MCM6: variants seen among roughly 807,000 people sequenced by gnomAD.
The protein encoded by MCM6 is minichromosome maintenance complex component 6.
Under a neutral mutation model 94.3 loss-of-function variants are expected in MCM6, and 46 were observed. That is an observed-to-expected ratio of 0.49 (90% confidence interval 0.39 to 0.62). The LOEUF is 0.62. Ranked by LOEUF, MCM6 falls within the 20% of genes least tolerant of loss-of-function variation. The pLI is 0.00. For missense variants in MCM6, 865 were observed against 1,017.9 expected (o/e 0.85, Z 2.04); for synonymous variants, 335 against 351.9 (o/e 0.95, Z 0.54).
Position 135,866,603 on chromosome 2 carries a change from T to C in MCM6, c.741A>G (p.Thr247=), listed in dbSNP as rs965440504. ...TGGAGACGTCAGGCACAACAATCAG[T>C]GTCCCTGTAAAGTCACACTTGTCAC... is the stretch of plus-strand genomic sequence containing the variant. The part of the protein sequence containing the change: ...QAGDKCDFTG[T]LIVVPDVSKL... The change falls in exon 5 of 17, where the codon ACA becomes ACG. Residue 247 remains threonine, a synonymous_variant. Coordinates refer to ENST00000264156, the MANE Select transcript of MCM6 (RefSeq NM_005915.6). 1.9e-5 allele frequency: 31 copies of C among 1,613,860 alleles called. No homozygotes were observed. The highest frequency in any genetic ancestry group is 2.6e-5 in the Non-Finnish European group (31 of 1,179,988).
Position 135,866,258 on chromosome 2 carries a change from A to G in MCM6, c.801T>C (p.Asn267=), listed in dbSNP as rs760330078. The G allele has an allele frequency of 6.2e-7, 1 of 1,614,182 alleles. No individual in the cohort carries two copies. Among genetic ancestry groups the G allele is most frequent in the South Asian group, 1.1e-5 (1 of 91,088 alleles). The change falls in exon 6 of 17, where the codon AAT becomes AAC. Residue 267 remains asparagine, a synonymous_variant. Coordinates refer to ENST00000264156, the MANE Select transcript of MCM6 (RefSeq NM_005915.6). ...ATCCATCAACACCACTGACACGGGA[A>G]TTAGTTTCTGCACGTGCTCCTGAAA... ...LSTPGARAET[N]SRVSGVDGYE...
intron 9 of MCM6, among the ~76,000 whole-genome samples, chr2:135,859,000 C>T (rs1182672053): frequency 6.6e-6 from 1 of 152,104 alleles, no homozygotes. Flanking sequence ...CAGTGATCCT[C>T]CCACCTCAGC....
chr2:135,859,172 TGTGAGCCACCGC>T, intron 9 of MCM6, 117 bp downstream of exon 9: 1 of 702,140 alleles, frequency 1.4e-6, no homozygotes, highest in Non-Finnish European at 2.3e-6. Flanking sequence ...GGGACAAAGG[TGTGAGCCACCGC>T]GCCCAGCTGA....
At chr2:135,858,449 T>TG (rs1679930948) in intron 9 of MCM6, among the ~76,000 whole-genome samples, 1 of 152,142 alleles carries the variant, frequency 6.6e-6, no homozygotes, top group Non-Finnish European at 1.5e-5. Context: ...GTTGCACCAC[T>TG]GCACTCCAGC....
At chr2:135,864,495 C>A (rs780109113) in intron 7 of MCM6, among the ~76,000 whole-genome samples, 15 of 151,626 alleles carry the variant, frequency 9.9e-5, no homozygotes, top group Non-Finnish European at 4.4e-5. Flanking sequence ...ACCAACAAGG[C>A]CAGGAGACTA....
Position 135,866,668 on chromosome 2 carries a change from C to T in MCM6, c.676G>A (p.Val226Ile), listed in dbSNP as rs140204379. The change falls in exon 5 of 17, where the codon GTA (valine) becomes ATA (isoleucine). Residue 226 changes from valine (V) to isoleucine (I), a missense_variant. By Grantham distance (29) the Val-to-Ile change is conservative. Around this residue, in one of 3 missense-constraint regions of MCM6, gnomAD observed 404 missense variants for 451.9 expected, o/e 0.89. Coordinates refer to ENST00000264156, the MANE Select transcript of MCM6 (RefSeq NM_005915.6). ...TCCACAGCTTCAGCCCTTAAAATTA[C>T]TTCTAAACTGCGGGGGATACTCCCT... ...PRGSIPRSLE[V>I]ILRAEAVESA... The T allele has an allele frequency of 2.9e-5, 47 of 1,614,030 alleles. No homozygotes were observed. The highest frequency in any genetic ancestry group is 3.9e-5 in the Non-Finnish European group (46 of 1,180,034).
intron 16 of MCM6, among the ~76,000 whole-genome samples, chr2:135,843,097 A>C (rs1466901021): frequency 6.6e-6 from 1 of 152,178 alleles, no homozygotes; most frequent in Non-Finnish European, 1.5e-5. Context: ...AAATATACAC[A>C]CACTGAAGCT....
intron 11 of MCM6, among the ~76,000 whole-genome samples, chr2:135,856,028 C>A (rs1361572151): frequency 6.7e-6 from 1 of 149,790 alleles, no homozygotes; most frequent in Non-Finnish European, 1.5e-5. Flanking sequence ...ATAAATGACT[C>A]ATGATTAAAA....
At chr2:135,859,227 T>C in intron 9 of MCM6, 74 bp downstream of exon 9, 1 of 1,199,072 alleles carries the variant, frequency 8.3e-7, no homozygotes, top group Non-Finnish European at 1.2e-6. Context: ...TTTTTAATGG[T>C]AACTTATAGG....
chr2:135,875,342 C>T (rs893860789), intron 1 of MCM6, among the ~76,000 whole-genome samples: 8 of 151,140 alleles, frequency 5.3e-5, no homozygotes, highest in Non-Finnish European at 1.2e-4. Context: ...CCGGCCTGGG[C>T]AACAAGGGCT....
chr2:135,859,257 G>A (rs1424214147), intron 9 of MCM6, 44 bp downstream of exon 9: 7 of 1,513,664 alleles, frequency 4.6e-6, no homozygotes, highest in Non-Finnish European at 6.4e-6. Flanking sequence ...ATAGGGTAGG[G>A]GTATTCTGAC....
At chr2:135,862,538 T>C (rs1680015363) in intron 8 of MCM6, 69 bp downstream of exon 8, 1 of 1,562,694 alleles carries the variant, frequency 6.4e-7, no homozygotes, top group African/African-American at 1.4e-5. Context: ...GACTGCATTC[T>C]TGGTAGCACA....
chr2:135,866,058 T>G, intron 6 of MCM6, 74 bp downstream of exon 6: 1 of 1,534,164 alleles, frequency 6.5e-7, no homozygotes, highest in Non-Finnish European at 8.9e-7. Flanking sequence ...GCCATGACTT[T>G]GCCATTGCAC....
intron 4 of MCM6, among the ~76,000 whole-genome samples, chr2:135,867,376 C>T (rs113168311): frequency 1.3e-5 from 2 of 152,136 alleles, no homozygotes; most frequent in African/African-American, 2.4e-5. Flanking sequence ...TGTTCCCCCC[C>T]CCAAACTAAG....
chr2:135,856,237 G>A (rs924739186), intron 11 of MCM6, among the ~76,000 whole-genome samples: 5 of 152,280 alleles, frequency 3.3e-5, no homozygotes, highest in Admixed American at 2.6e-4. Context: ...GAGGCCAGGA[G>A]TTCAAGACCA....
intron 11 of MCM6, among the ~76,000 whole-genome samples, chr2:135,855,139 G>C (rs752776381): frequency 5.3e-5 from 8 of 152,192 alleles, no homozygotes; most frequent in Non-Finnish European, 7.3e-5. Context: ...CTGGGCAACA[G>C]AGTGAGACTC....
chr2:135,862,296 ACAAATAATAAAATTT>A (rs1267223119), intron 8 of MCM6, among the ~76,000 whole-genome samples: 23 of 128,650 alleles, frequency 1.8e-4, no homozygotes, highest in African/African-American at 8.9e-4. Context: ...AAAATTTTAT[ACAAATAATAAAATTT>A]GTATAAAATT....
chr2:135,840,347 T>A lies in MCM6; in HGVS notation c.*488A>T, dbSNP rs1447230887. The A allele has an allele frequency of 6.6e-6, 1 of 152,362 alleles. No homozygotes were observed. Among genetic ancestry groups the A allele is most frequent in the Non-Finnish European group, 1.5e-5 (1 of 68,272 alleles). 9.4% of individuals were successfully genotyped at this position (152,362 alleles called of 1,614,324 possible). The stretch of plus-strand genomic sequence containing the variant: ...TCATCCATAATACCACAGTTCTACC[T>A]CTTCACTCCAGGTTAAGCAAAAAGG... On this transcript the variant is annotated 3_prime_UTR_variant, in exon 17 of 17. Transcript: ENST00000264156.
chr2:135,872,890 A>G, intron 1 of MCM6, 47 bp from the exon 2 acceptor site: 1 of 1,598,998 alleles, frequency 6.3e-7, no homozygotes, highest in Non-Finnish European at 8.5e-7. Context: ...AGGCAGTACA[A>G]AGAACCTGAA....
Sources: gnomAD v4.1 joint callset for allele counts (sites outside exome capture counted in the v4.1 genomes callset) on GRCh38, gnomAD v4.1.1 for gene constraint, gnomAD v4.1.1 regional missense constraint, MANE v1.5 for transcripts, NCBI Gene and HGNC (gene_info 2026-07-23, HGNC 2026-07-21) for gene names.